Variants in HOOK2 observed in about 807,000 individuals in gnomAD.
HOOK2 encodes the protein hook microtubule tethering protein 2, also known as protein Hook homolog 2.
HOOK2 carries 108 observed loss-of-function variants against 111.9 expected under a neutral mutation model. That is an observed-to-expected ratio of 0.96 (90% CI 0.83 to 1.13). HOOK2 has a LOEUF of 1.13. HOOK2 is among the 50% of genes most tolerant of loss of function. HOOK2 has a pLI of 0.00. For synonymous variants in HOOK2, 405 were observed against 394.3 expected (o/e 1.03, Z -0.32); for missense variants, 978 against 951.3 (o/e 1.03, Z -0.37).
chr19:12,764,795 GAAC>G lies in HOOK2; in HGVS notation c.1827+16_1827+18del. ...AGAAGCCAGGGCAGGCAACTTGTGG[GAAC>G]ACCCAGCGTCCTCACCATGCGGGCC... is the stretch of plus-strand genomic sequence containing the variant. On this transcript the variant is annotated intron_variant, in intron 20 of 22. Coordinates refer to ENST00000397668, the MANE Select transcript of HOOK2 (RefSeq NM_013312.3). 1.9e-6 allele frequency: 3 copies of G among 1,603,020 alleles called. No individual in the cohort carries two copies. Among genetic ancestry groups the G allele is most frequent in the Non-Finnish European group, 2.6e-6 (3 of 1,172,458 alleles).
chr19:12,773,227 G>GTTTTTTT, intron 3 of HOOK2, 183 bp from the exon 4 acceptor site: 1 of 283,636 alleles, frequency 3.5e-6, no homozygotes, highest in Non-Finnish European at 6.2e-6. Flanking sequence ...GACCATCTTT[G>GTTTTTTT]TTTCTTTTTT....
rs988349663 is a variant in HOOK2, at chr19:12,791,268, C to T, written n.42-17043G>A. 2.6e-5 allele frequency among the ~76,000 whole-genome samples: 4 copies of T among 152,160 alleles called. No homozygotes were observed. Among genetic ancestry groups the T allele is most frequent in the Admixed American group, 6.5e-5 (1 of 15,282 alleles). ...CCTCCTTCCATGCGTACCCCGAGGT[C>T]CTTTGAGCCCCTCCCCCTGCAGCCC... is the stretch of plus-strand genomic sequence containing the variant. On this transcript the variant is annotated intron_variant and non_coding_transcript_variant, in intron 3 of 3. Coordinates refer to the HOOK2 transcript ENST00000589765. The surrounding 1 kb of genome is among the most constrained non-coding windows in gnomAD (Gnocchi z 7.0).
rs1392957451 is a variant in HOOK2, at chr19:12,763,595, T to C, written c.1943A>G (p.Asp648Gly). Residue 648 changes from aspartate (D) to glycine (G), a missense_variant, in exon 22 of 23, where the codon GAC becomes GGC. Asp to Gly is a moderately conservative substitution (Grantham distance 94, BLOSUM62 -1). Transcript: ENST00000397668. ...CCGCTGACTTCGGCTTTTCTCAAAG[T>C]CCATCTGTCAAGGAGGCAAGTGTCA... is the stretch of plus-strand genomic sequence containing the variant. ...RDVRIRHLEM[D>G]FEKSRSQREQ... 6 of 1,614,086 alleles carry C rather than the reference T, an allele frequency of 3.7e-6. No homozygotes were observed. The African/African-American group carries it at 8.0e-5, about 22-fold the overall frequency.
chr19:12,771,128 C>A (rs1166139716), intron 9 of HOOK2, 31 bp downstream of exon 9: 1 of 1,611,578 alleles, frequency 6.2e-7, no homozygotes, highest in Non-Finnish European at 8.5e-7. Context: ...GGTCCCCTGG[C>A]TTGCCTGGCC....
At chr19:12,775,940 A>G (rs1350928334), upstream of HOOK2, among the ~76,000 whole-genome samples, 2 of 130,580 alleles carry the variant, frequency 1.5e-5, no homozygotes, top group South Asian at 2.3e-4. Context: ...GCAGTGGCGC[A>G]ATCTCGGCTC....
intron 20 of HOOK2, among the ~76,000 whole-genome samples, chr19:12,764,175 C>T (rs920147930): frequency 4.0e-5 from 6 of 151,580 alleles, no homozygotes; most frequent in Non-Finnish European, 8.8e-5. Context: ...TTACCAATCC[C>T]GCCTAATTTT....
At chr19:12,775,313 C>G in intron 1 of HOOK2, 92 bp downstream of exon 1, 1 of 1,539,142 alleles carries the variant, frequency 6.5e-7, no homozygotes, top group South Asian at 1.2e-5. Context: ...ACCTCCCAGC[C>G]CCAGCACCAA....
chr19:12,792,148 G>A (rs1385933363), intron 3 of HOOK2: 3 of 1,596,656 alleles, frequency 1.9e-6, no homozygotes, highest in South Asian at 1.1e-5. Flanking sequence ...GGCGCAGGGG[G>A]CGGCGTCACC....
upstream of HOOK2, among the ~76,000 whole-genome samples, chr19:12,776,703 A>T (rs1008380169): frequency 2.0e-5 from 3 of 150,052 alleles, no homozygotes; most frequent in African/African-American, 7.4e-5. Context: ...TTAGCCAGAC[A>T]TGTTGGCGTG....
upstream of HOOK2, among the ~76,000 whole-genome samples, chr19:12,782,950 C>A (rs1236161978): frequency 6.6e-6 from 1 of 152,084 alleles, no homozygotes; most frequent in African/African-American, 2.4e-5. Context: ...TTCCTTTCCC[C>A]GCCCAGCCAT....
upstream of HOOK2, among the ~76,000 whole-genome samples, chr19:12,781,213 G>C (rs1264874780): frequency 2.1e-5 from 3 of 144,284 alleles, no homozygotes; most frequent in Non-Finnish European, 3.0e-5. Flanking sequence ...TGAGGCAGGA[G>C]AATGGCGTGA....
upstream of HOOK2, among the ~76,000 whole-genome samples, chr19:12,782,867 C>A (rs1213964814): frequency 1.4e-5 from 2 of 142,308 alleles, no homozygotes; most frequent in African/African-American, 5.5e-5. Context: ...GGGGAGGGAC[C>A]TTTCCCATGG....
At chr19:12,789,758 C>A (rs1395968291) in intron 3 of HOOK2, among the ~76,000 whole-genome samples, 1 of 151,466 alleles carries the variant, frequency 6.6e-6, no homozygotes, top group African/African-American at 2.4e-5. Flanking sequence ...CCTGGCAGGA[C>A]GCAGCCCCAA....
chr19:12,773,231 C>CTTTTTTTTTTTTTTTTTT (rs373156108), intron 3 of HOOK2, 187 bp from the exon 4 acceptor site: 3 of 226,718 alleles, frequency 1.3e-5, no homozygotes, highest in Admixed American at 7.1e-5. Context: ...ATCTTTGTTT[C>CTTTTTTTTTTTTTTTTTT]TTTTTTTTTT....
At position 12,765,643 on chromosome 19, in the gene HOOK2, TATC is replaced by T. The variant is rs769920550; in HGVS notation, c.1640+44_1640+46del. Reference sequence around the variant, plus strand: ...ACATGCCTAAGAAACTCCCCACTAATATCAAATCCATGCCCCCACGAGGAGTTC... The same window carrying T: ...ACATGCCTAAGAAACTCCCCACTAATAAATCCATGCCCCCACGAGGAGTTC... On this transcript the variant is annotated intron_variant, in intron 18 of 22. Coordinates refer to ENST00000397668, the MANE Select transcript of HOOK2 (RefSeq NM_013312.3). The T allele has an allele frequency of 5.0e-6, 8 of 1,610,112 alleles. 1 individual carries two copies. The South Asian group carries it at 8.8e-5, about 18-fold the overall frequency.
At position 12,767,907 on chromosome 19, in the gene HOOK2, C is replaced by G; in HGVS notation, c.1216-4G>C. On this transcript the variant is annotated splice_region_variant and splice_polypyrimidine_tract_variant and intron_variant, in intron 12 of 22. Transcript: ENST00000397668. Reference sequence around the variant, plus strand: ...AGTCCCGCTCCGCCAACAGCCGCTGCAGGGACAGGGTACAAGACACTCCAC... The same window carrying G: ...AGTCCCGCTCCGCCAACAGCCGCTGGAGGGACAGGGTACAAGACACTCCAC... 4 of 1,611,078 alleles carry G rather than the reference C, an allele frequency of 2.5e-6. No individual in the cohort carries two copies. The highest frequency in any genetic ancestry group is 1.3e-5 in the African/African-American group (1 of 75,052).
At position 12,771,209 on chromosome 19, in the gene HOOK2, C is replaced by T. The variant is rs778234551; in HGVS notation, c.711G>A (p.Lys237=). ...GEGTPGLTAK[K]LLLLQSQLEQ... ...CCAGCTGGGATTGCAGCAGCAGCAG[C>T]TTCTTGGCAGTGAGACCTGGGGTAC... Residue 237 remains lysine (K), a synonymous_variant, in exon 9 of 23, where the codon AAG becomes AAA. Transcript: ENST00000397668. 2 of 1,612,588 alleles carry T rather than the reference C, an allele frequency of 1.2e-6. No individual in the cohort carries two copies. The highest frequency in any genetic ancestry group is 3.3e-5 in the Admixed American group (2 of 59,704).
upstream of HOOK2, among the ~76,000 whole-genome samples, chr19:12,782,137 T>C (rs796151635): frequency 5.9e-5 from 9 of 152,370 alleles, no homozygotes; most frequent in African/African-American, 1.9e-4. Context: ...ATTACAGGCC[T>C]GAGCCACTGC....
chr19:12,764,838 G>A lies in HOOK2; in HGVS notation c.1803C>T (p.Arg601=). 2 of 1,613,962 alleles carry A rather than the reference G, an allele frequency of 1.2e-6. No individual in the cohort carries two copies. Among genetic ancestry groups the A allele is most frequent in the Non-Finnish European group, 8.5e-7 (1 of 1,180,016 alleles). ...ADLRAMEERY[R]RYVDKARMVM... is the part of the protein sequence containing the mutation. ...CCATGCGGGCCTTGTCCACGTAGCG[G>A]CGGTATCGCTCCTCCATGGCCCGCA... Residue 601 remains arginine, a synonymous_variant, in exon 20 of 23, where the codon CGC becomes CGT. Coordinates refer to ENST00000397668, the MANE Select transcript of HOOK2 (RefSeq NM_013312.3).
Sources: gnomAD v4.1 joint callset for allele counts (sites outside exome capture counted in the v4.1 genomes callset) on GRCh38, gnomAD v4.1.1 for gene constraint, Gnocchi (gnomAD v3.1) non-coding constraint, MANE v1.5 for transcripts, NCBI Gene and HGNC (gene_info 2026-07-23, HGNC 2026-07-21) for gene names.